The following CHL1 variants were observed in gnomAD, a reference collection of about 807,000 sequenced individuals.
The protein encoded by CHL1 is cell adhesion molecule L1 like, also known as neural cell adhesion molecule L1-like protein.
In CHL1, 96 loss-of-function variants were observed where a neutral mutation model predicts 141.9. The ratio of observed to expected loss-of-function variants is 0.68; its 90% CI spans 0.57 to 0.80. The LOEUF is 0.80. Ranked by LOEUF, CHL1 falls within the 30% of genes least tolerant of loss-of-function variation. CHL1 has a pLI of 0.00. For synonymous variants in CHL1, 613 were observed against 502.2 expected (o/e 1.22, Z -2.95); for missense variants, 1,820 against 1,457.2 (o/e 1.25, Z -4.05).
intron 2 of CHL1, among the ~76,000 whole-genome samples, chr3:302,857 T>C (rs891556132): frequency 6.6e-6 from 1 of 152,192 alleles, no homozygotes; most frequent in African/African-American, 2.4e-5. Flanking sequence ...GGTTTTCTTC[T>C]AGAGTTTTTA....
intron 15 of CHL1, among the ~76,000 whole-genome samples, chr3:376,158 C>G (rs1387509083): frequency 6.6e-6 from 1 of 152,120 alleles, no homozygotes; most frequent in Non-Finnish European, 1.5e-5. Flanking sequence ...CCCAGCTGAC[C>G]TATGATGGGA....
intron 19 of CHL1, among the ~76,000 whole-genome samples, chr3:388,958 T>G (rs893743569): frequency 6.6e-6 from 1 of 152,270 alleles, no homozygotes; most frequent in Non-Finnish European, 1.5e-5. Flanking sequence ...GTGGAATTTC[T>G]TTGTAACTTC....
At chr3:209,558 C>G (rs528151788) in intron 1 of CHL1, among the ~76,000 whole-genome samples, 8 of 152,152 alleles carry the variant, frequency 5.3e-5, no homozygotes, top group African/African-American at 1.2e-4. Flanking sequence ...TAACAGAACC[C>G]TAATCTTTTT....
At chr3:317,654 G>GAAA (rs35799872) in intron 2 of CHL1, among the ~76,000 whole-genome samples, 12 of 132,536 alleles carry the variant, frequency 9.1e-5, no homozygotes, top group African/African-American at 2.7e-4. Flanking sequence ...AACTGTTTCA[G>GAAA]AAAAAAAAAA....
rs189347219 is a variant in CHL1 at position 226,502 on chromosome 3, C to T, written c.-174-18111C>T. Among the ~76,000 whole-genome samples, 384 of 150,870 alleles carry T rather than the reference C, an allele frequency of 2.5e-3. 1 individual carries two copies. The highest frequency in any genetic ancestry group is 8.6e-3 in the African/African-American group (352 of 41,074). On this transcript the variant is annotated intron_variant, in intron 1 of 27. Coordinates refer to ENST00000256509, the MANE Select transcript of CHL1 (RefSeq NM_006614.4). ...TGTCGCCCAGGCTGGGGTGCAATGG[C>T]GTGATCTGGGGTCACTGCATCACCG...
chr3:259,712 G>T (rs1694527085), intron 2 of CHL1, among the ~76,000 whole-genome samples: 1 of 151,840 alleles, frequency 6.6e-6, no homozygotes, highest in South Asian at 2.1e-4. Context: ...GAGGTACTTT[G>T]TTTTTTTACC....
chr3:371,232 G>T (rs1265358228), intron 15 of CHL1, among the ~76,000 whole-genome samples: 1 of 152,144 alleles, frequency 6.6e-6, no homozygotes, highest in Non-Finnish European at 1.5e-5. Context: ...TATTGTGTGG[G>T]AGTCTCAGTG....
At chr3:333,266 C>G (rs923871132) in intron 5 of CHL1, among the ~76,000 whole-genome samples, 4 of 151,480 alleles carry the variant, frequency 2.6e-5, no homozygotes, top group Non-Finnish European at 5.9e-5. Context: ...AATAGTAACC[C>G]AACCCAATAC....
At chr3:289,996 C>T (rs1241714079) in intron 2 of CHL1, among the ~76,000 whole-genome samples, 1 of 129,886 alleles carries the variant, frequency 7.7e-6, no homozygotes, top group East Asian at 2.3e-4. Flanking sequence ...GTGCAGTATA[C>T]TCACAGTATA....
intron 2 of CHL1, among the ~76,000 whole-genome samples, chr3:307,274 G>C (rs1323672970): frequency 6.6e-6 from 1 of 152,190 alleles, no homozygotes; most frequent in African/African-American, 2.4e-5. Context: ...GCCATCAAAT[G>C]TACACATATG....
chr3:197,656 G>A (rs564083225), intron 1 of CHL1: 182 of 362,062 alleles, frequency 5.0e-4, no homozygotes, highest in African/African-American at 4.0e-3. Flanking sequence ...AATGCCGCCA[G>A]CCTGGAGCGG....
intron 2 of CHL1, among the ~76,000 whole-genome samples, chr3:261,648 T>G (rs1694737721): frequency 6.6e-6 from 1 of 152,144 alleles, no homozygotes; most frequent in African/African-American, 2.4e-5. Context: ...GCTCTTTGAT[T>G]ATTAATGTAA....
intron 2 of CHL1, among the ~76,000 whole-genome samples, chr3:255,156 G>A (rs1694038852): frequency 2.6e-5 from 4 of 152,108 alleles, no homozygotes; most frequent in Admixed American, 2.6e-4. Context: ...CCTGCTCACT[G>A]GTTTCCTACC....
At chr3:313,119 T>C (rs1437997607) in intron 2 of CHL1, among the ~76,000 whole-genome samples, 1 of 152,164 alleles carries the variant, frequency 6.6e-6, no homozygotes, top group Non-Finnish European at 1.5e-5. Flanking sequence ...TCAATGAAAA[T>C]GGCAGATGGA....
At chr3:204,068 G>T (rs1699192754) in intron 1 of CHL1, among the ~76,000 whole-genome samples, 1 of 152,178 alleles carries the variant, frequency 6.6e-6, no homozygotes, top group African/African-American at 2.4e-5. Flanking sequence ...TGCCCGAAGT[G>T]GGCATGCTCA....
intron 1 of CHL1, among the ~76,000 whole-genome samples, chr3:231,255 A>G (rs1053357989): frequency 6.6e-5 from 10 of 152,120 alleles, no homozygotes; most frequent in African/African-American, 2.4e-4. Flanking sequence ...AAAAATAATT[A>G]CCTTGGTGAT....
chr3:392,522 A>G (rs995938426), intron 23 of CHL1, among the ~76,000 whole-genome samples: 19 of 152,220 alleles, frequency 1.2e-4, no homozygotes, highest in Admixed American at 3.9e-4. Flanking sequence ...TCCCTCTGAA[A>G]CAGTCGTCAA....
intron 18 of CHL1, 116 bp from the exon 19 acceptor site, chr3:383,700 A>C (rs921374899): frequency 1.1e-5 from 7 of 613,278 alleles, no homozygotes; most frequent in African/African-American, 1.8e-5. Flanking sequence ...GATATAAATT[A>C]ATAAGTACAA....
intron 1 of CHL1, among the ~76,000 whole-genome samples, chr3:198,393 C>G (rs1291075767): frequency 6.6e-6 from 1 of 152,100 alleles, no homozygotes; most frequent in Admixed American, 6.5e-5. Context: ...GAGATTTGCG[C>G]GTGCGCGTGG....
Sources: gnomAD v4.1 joint callset for allele counts (sites outside exome capture counted in the v4.1 genomes callset) on GRCh38, gnomAD v4.1.1 for gene constraint, MANE v1.5 for transcripts, NCBI Gene and HGNC (gene_info 2026-07-23, HGNC 2026-07-21) for gene names.